Variants in PMS1 observed in about 807,000 individuals in gnomAD.
The protein encoded by PMS1 is PMS1 homolog 1, mismatch repair system component, also known as PMS1 protein homolog 1.
Under a neutral mutation model 93.1 loss-of-function variants are expected in PMS1, and 79 were observed. The observed-to-expected ratio is 0.85, with a 90% CI of 0.71 to 1.02. The LOEUF (loss-of-function observed/expected upper bound fraction) is 1.02, where lower values mean the gene tolerates loss of function less well. Among genes scored for constraint, PMS1 ranks in the 50% least tolerant of loss-of-function variants. PMS1 has a pLI of 0.00. For synonymous variants in PMS1, 335 were observed against 363.4 expected, an observed-to-expected ratio of 0.92 and a Z score of 0.89; for missense variants, 1,064 against 1,085.3, an observed-to-expected ratio of 0.98 and a Z score of 0.28.
rs1231480780 is a variant in PMS1 at position 189,854,543 on chromosome 2, A to T, written c.1271A>T (p.Glu424Val). ...GDFGYGHCSS[E>V]ISNIDKNTKN... ...TTTGGTTATGGTCATTGTAGTAGTGAAATTTCTAACATTGATAAAAACACT... is the reference window on the plus strand; with the variant it reads ...TTTGGTTATGGTCATTGTAGTAGTGTAATTTCTAACATTGATAAAAACACT... Residue 424 changes from glutamate to valine, a missense_variant, in exon 9 of 13, where the codon GAA becomes GTA. Glu to Val is a moderately radical substitution (Grantham distance 121, BLOSUM62 -2). Coordinates refer to ENST00000441310, the MANE Select transcript of PMS1 (RefSeq NM_000534.5). 1.9e-6 allele frequency: 3 copies of T among 1,613,622 alleles called. No homozygotes were observed. Among genetic ancestry groups the T allele is most frequent in the Non-Finnish European group, 1.7e-6 (2 of 1,179,654 alleles).
At chr2:189,850,383 A>G (rs146587711) in intron 6 of PMS1, among the ~76,000 whole-genome samples, 2 of 152,162 alleles carry the variant, frequency 1.3e-5, no homozygotes, top group East Asian at 3.9e-4. Context: ...TTATCATAGT[A>G]AAGGAGTATA....
intron 5 of PMS1, among the ~76,000 whole-genome samples, chr2:189,829,951 T>G (rs2106367183): frequency 6.6e-6 from 1 of 152,336 alleles, no homozygotes; most frequent in Non-Finnish European, 1.5e-5. Context: ...CTCTTCAGTG[T>G]ATTTTCAGCT....
At chr2:189,855,326 GTAT>G (rs753601296) in intron 9 of PMS1, among the ~76,000 whole-genome samples, 198 bp downstream of exon 9, 2 of 135,514 alleles carry the variant, frequency 1.5e-5, no homozygotes, top group Non-Finnish European at 3.0e-5. Context: ...GCGGGGGCTT[GTAT>G]TATTTTGTTT....
At chr2:189,796,771 A>T (rs1474850324) in intron 3 of PMS1, among the ~76,000 whole-genome samples, 1 of 152,142 alleles carries the variant, frequency 6.6e-6, no homozygotes, top group Non-Finnish European at 1.5e-5. Context: ...GTTCATTTTC[A>T]TCGGTGGACA....
intron 4 of PMS1, chr2:189,806,166 A>T (rs2050325268): frequency 3.1e-6 from 1 of 317,544 alleles, no homozygotes; most frequent in African/African-American, 2.1e-5. Flanking sequence ...CTATTTGTTA[A>T]TTGATGGAAA....
chr2:189,790,151 C>T (rs896955774), intron 1 of PMS1, among the ~76,000 whole-genome samples: 4 of 152,140 alleles, frequency 2.6e-5, no homozygotes, highest in East Asian at 3.8e-4. Context: ...AGTTATCTGA[C>T]ATGTCTGGTA....
intron 5 of PMS1, among the ~76,000 whole-genome samples, chr2:189,833,864 G>GA (rs938835325): frequency 2.6e-5 from 4 of 152,006 alleles, no homozygotes; most frequent in Admixed American, 2.0e-4. Context: ...TACTTTTGAG[G>GA]AAAAAATTAT....
At chr2:189,793,922 A>C (rs111436328) in intron 2 of PMS1, among the ~76,000 whole-genome samples, 2 of 152,258 alleles carry the variant, frequency 1.3e-5, no homozygotes, top group African/African-American at 4.8e-5. Context: ...CATTTAAACA[A>C]ATCTTTGTGT....
chr2:189,847,384 C>A (rs1025054185), intron 6 of PMS1, among the ~76,000 whole-genome samples: 1 of 151,956 alleles, frequency 6.6e-6, no homozygotes, highest in African/African-American at 2.4e-5. Context: ...TGTTAATTTT[C>A]TCCTATTGTT....
At chr2:189,791,209 C>T (rs2048835594) in intron 1 of PMS1, among the ~76,000 whole-genome samples, 1 of 152,066 alleles carries the variant, frequency 6.6e-6, no homozygotes, top group Non-Finnish European at 1.5e-5. Flanking sequence ...CTTGCCTTAG[C>T]TCTGCCTCTT....
chr2:189,805,740 C>G lies in PMS1; in HGVS notation c.404C>G (p.Ser135Ter), dbSNP rs1348748869. Residue 135 changes from serine to a stop codon, truncating the protein, a stop_gained, in exon 4 of 13, where the codon TCA (serine) becomes TGA (stop). Coordinates refer to ENST00000441310, the MANE Select transcript of PMS1 (RefSeq NM_000534.5). LOFTEE classifies it high-confidence loss of function. ...GGCCACATACTTTCTCAGAAACCTT[C>G]ACATCTTGGTCAAGGTAAGAAAGTA... is the stretch of plus-strand genomic sequence containing the variant. ...GSGHILSQKP[S>*]HLGQGTTVTA... 2 of 1,613,758 alleles carry G rather than the reference C, an allele frequency of 1.2e-6. No individual in the cohort carries two copies. Among genetic ancestry groups the G allele is most frequent in the Admixed American group, 3.3e-5 (2 of 59,998 alleles).
intron 3 of PMS1, among the ~76,000 whole-genome samples, chr2:189,804,647 C>T (rs2050179770): frequency 6.6e-6 from 1 of 152,098 alleles, no homozygotes; most frequent in Admixed American, 6.6e-5. Context: ...AGTAAATCTG[C>T]TTGGTTAGGG....
At chr2:189,855,336 GT>G (rs55713218) in intron 9 of PMS1, among the ~76,000 whole-genome samples, 39,789 of 144,214 alleles carry the variant, frequency 0.28, 8,913 homozygotes, top group African/African-American at 0.62. Context: ...GTATTATTTT[GT>G]TTTTTTTTTG....
At chr2:189,786,061 G>A (rs1489158535) in intron 1 of PMS1, among the ~76,000 whole-genome samples, 1 of 152,078 alleles carries the variant, frequency 6.6e-6, no homozygotes, top group Non-Finnish European at 1.5e-5. Flanking sequence ...GGAGGCAGAG[G>A]TTGCAGTGAG....
At chr2:189,801,072 A>T (rs912629248) in intron 3 of PMS1, among the ~76,000 whole-genome samples, 3 of 152,174 alleles carry the variant, frequency 2.0e-5, no homozygotes, top group African/African-American at 7.2e-5. Flanking sequence ...TCTCTTGTTC[A>T]GGCTGGGCTC....
chr2:189,859,701 C>A (rs779201348), intron 9 of PMS1, among the ~76,000 whole-genome samples: 9 of 152,118 alleles, frequency 5.9e-5, no homozygotes, highest in Middle Eastern at 3.4e-3. Context: ...TTCTTAGAAT[C>A]TATCCAGTAT....
intron 3 of PMS1, among the ~76,000 whole-genome samples, chr2:189,802,712 A>G (rs900853735): frequency 6.6e-6 from 1 of 152,224 alleles, no homozygotes; most frequent in Non-Finnish European, 1.5e-5. Flanking sequence ...CCCACATACT[A>G]TAAAAGGGTC....
intron 4 of PMS1, among the ~76,000 whole-genome samples, chr2:189,809,012 A>C (rs1161705353): frequency 2.0e-5 from 3 of 152,152 alleles, no homozygotes; most frequent in African/African-American, 7.2e-5. Flanking sequence ...CTGCCTTAGA[A>C]ATTTCTCATA....
At chr2:189,805,330 A>C (rs1007636556) in intron 3 of PMS1, among the ~76,000 whole-genome samples, 3 of 152,208 alleles carry the variant, frequency 2.0e-5, no homozygotes, top group Admixed American at 1.3e-4. Context: ...CCCTTAATAC[A>C]GTTGAAGTAC....
Sources: gnomAD v4.1 joint callset for allele counts (sites outside exome capture counted in the v4.1 genomes callset) on GRCh38, gnomAD v4.1.1 for gene constraint, MANE v1.5 for transcripts, NCBI Gene and HGNC (gene_info 2026-07-23, HGNC 2026-07-21) for gene names.